MTHFD2L: variants seen among roughly 807,000 people sequenced by gnomAD.
MTHFD2L encodes the protein bifunctional methylenetetrahydrofolate dehydrogenase/cyclohydrolase 2, mitochondrial.
In MTHFD2L, 29 loss-of-function variants were observed where a neutral mutation model predicts 34.9. That is an observed-to-expected ratio of 0.83 (90% CI 0.62 to 1.13). MTHFD2L has a LOEUF of 1.13. Among genes scored for constraint, MTHFD2L ranks in the 50% most tolerant of loss-of-function variants. MTHFD2L has a pLI of 0.00. For missense variants in MTHFD2L, 481 were observed against 446.5 expected, an observed-to-expected ratio of 1.08 and a Z score of -0.70; for synonymous variants, 167 against 155.7, an observed-to-expected ratio of 1.07 and a Z score of -0.54.
rs373808535 is a variant in MTHFD2L at position 74,201,248 on chromosome 4, A to G, written c.605-15A>G. 1.4e-4 allele frequency: 222 copies of G among 1,602,200 alleles called. No individual in the cohort carries two copies. The highest frequency in any genetic ancestry group is 1.8e-4 in the Non-Finnish European group (209 of 1,170,184). ...GTTGTCAATTCTGCATTTAAACCGA[A>G]CTCTGTATTTTAAGGAATTCAAACA... On this transcript the variant is annotated splice_polypyrimidine_tract_variant and intron_variant, in intron 4 of 7. Transcript: ENST00000325278.
chr4:74,237,844 A>G (rs141111181), intron 6 of MTHFD2L, among the ~76,000 whole-genome samples: 1 of 152,296 alleles, frequency 6.6e-6, no homozygotes, highest in African/African-American at 2.4e-5. Context: ...GGTAGGGGAG[A>G]GGCAAAGAAT....
chr4:74,267,065 C>T, intron 6 of MTHFD2L: 1 of 985,332 alleles, frequency 1.0e-6, no homozygotes, highest in Non-Finnish European at 1.2e-6. Context: ...CCTCTCCTTG[C>T]TTTGATCCTT....
At chr4:74,203,660 A>G (rs149256899) in intron 5 of MTHFD2L, among the ~76,000 whole-genome samples, 144 of 152,262 alleles carry the variant, frequency 9.5e-4, no homozygotes, top group African/African-American at 3.3e-3. Context: ...ACCAGATATC[A>G]TGAGAACTCA....
chr4:74,283,391 A>G (rs1250450235), intron 7 of MTHFD2L, among the ~76,000 whole-genome samples: 1 of 152,104 alleles, frequency 6.6e-6, no homozygotes, highest in African/African-American at 2.4e-5. Context: ...TGTCACATGA[A>G]GTCTAACTTG....
chr4:74,167,444 A>G (rs1205254049), intron 1 of MTHFD2L, among the ~76,000 whole-genome samples: 2 of 152,230 alleles, frequency 1.3e-5, no homozygotes, highest in Non-Finnish European at 1.5e-5. Context: ...ACATAAAGAA[A>G]TGGAGAGCTA....
intron 7 of MTHFD2L, among the ~76,000 whole-genome samples, chr4:74,292,140 A>T (rs1186062324): frequency 1.3e-5 from 2 of 152,174 alleles, no homozygotes; most frequent in African/African-American, 2.4e-5. Flanking sequence ...TGAGATTCCT[A>T]TCATTAGTAA....
intron 6 of MTHFD2L, among the ~76,000 whole-genome samples, chr4:74,228,986 A>C (rs1015566670): frequency 2.6e-5 from 4 of 152,204 alleles, no homozygotes; most frequent in East Asian, 1.9e-4. Context: ...AAACAAAGAC[A>C]GTGGGAAGAA....
At chr4:74,137,285 T>C (rs1200157079) in intron 1 of MTHFD2L, among the ~76,000 whole-genome samples, 1 of 152,024 alleles carries the variant, frequency 6.6e-6, no homozygotes, top group East Asian at 1.9e-4. Context: ...ATGTAAACCT[T>C]AATTTAAAAA....
At chr4:74,199,010 G>A (rs535242341) in intron 3 of MTHFD2L, among the ~76,000 whole-genome samples, 19 of 152,138 alleles carry the variant, frequency 1.2e-4, no homozygotes, top group East Asian at 5.8e-4. Flanking sequence ...TATAATGGCC[G>A]AATAAACTTT....
At chr4:74,158,988 G>A (rs1213628902) in intron 1 of MTHFD2L, among the ~76,000 whole-genome samples, 1 of 152,172 alleles carries the variant, frequency 6.6e-6, no homozygotes, top group African/African-American at 2.4e-5. Context: ...GTCCAGAAGA[G>A]CCTCTGTTTT....
intron 1 of MTHFD2L, among the ~76,000 whole-genome samples, chr4:74,128,952 T>C (rs1408863846): frequency 6.6e-6 from 1 of 152,104 alleles, no homozygotes; most frequent in Non-Finnish European, 1.5e-5. Context: ...TCTTGTTTTC[T>C]GGTTGTTCTG....
At chr4:74,210,824 G>A (rs527415538) in intron 5 of MTHFD2L, among the ~76,000 whole-genome samples, 3 of 152,228 alleles carry the variant, frequency 2.0e-5, no homozygotes, top group East Asian at 3.9e-4. Context: ...CATGAGCATG[G>A]AATATTTTTC....
At chr4:74,173,999 T>C (rs927844460) in intron 1 of MTHFD2L, among the ~76,000 whole-genome samples, 13 of 152,146 alleles carry the variant, frequency 8.5e-5, no homozygotes, top group African/African-American at 2.9e-4. Flanking sequence ...GAATTTCTTA[T>C]AGTTTTGTAG....
chr4:74,140,503 T>G (rs1723213508), intron 1 of MTHFD2L: 7 of 891,078 alleles, frequency 7.9e-6, no homozygotes, highest in Non-Finnish European at 9.4e-6. Flanking sequence ...ATTTTCTCAA[T>G]TATATATTTT....
At chr4:74,258,393 C>G (rs1198135140) in intron 6 of MTHFD2L, among the ~76,000 whole-genome samples, 1 of 151,924 alleles carries the variant, frequency 6.6e-6, no homozygotes, top group Non-Finnish European at 1.5e-5. Flanking sequence ...GCACATAACA[C>G]ACACACACAC....
intron 5 of MTHFD2L, among the ~76,000 whole-genome samples, chr4:74,209,516 G>A (rs1333752570): frequency 6.6e-6 from 1 of 152,122 alleles, no homozygotes. Flanking sequence ...CCTGCAAAGA[G>A]CATGAACTCA....
chr4:74,267,882 C>T lies in MTHFD2L; in HGVS notation c.806-13543C>T, dbSNP rs16850811. The T allele has an allele frequency of 2.0e-3, 1,944 of 985,290 alleles. 22 individuals are homozygous for T. In the African/African-American group the frequency reaches 0.027, roughly 14 times the overall value. The allele number at this position is 985,290 out of a possible 1,614,324, so 61.0% of individuals were successfully genotyped here. ...TATAAGAGGATTCCAAAGCCCTAGA[C>T]GATCCAATATGGCACAGAGCAGAGC... On this transcript the variant is annotated intron_variant, in intron 6 of 7. Coordinates refer to ENST00000325278, the MANE Select transcript of MTHFD2L (RefSeq NM_001144978.3).
At chr4:74,240,521 A>G (rs1489345201) in intron 6 of MTHFD2L, among the ~76,000 whole-genome samples, 1 of 152,186 alleles carries the variant, frequency 6.6e-6, no homozygotes, top group Non-Finnish European at 1.5e-5. Flanking sequence ...AGATGCAATG[A>G]AATTATATTT....
rs926770554 is a variant in MTHFD2L at position 74,267,135 on chromosome 4, A to T, written c.806-14290A>T. The T allele has an allele frequency of 4.1e-6, 4 of 984,990 alleles. No individual in the cohort carries two copies. In the African/African-American group the frequency reaches 7.0e-5, roughly 17 times the overall value. The allele number at this position is 984,990 out of a possible 1,614,324, so 61.0% of individuals were successfully genotyped here. On this transcript the variant is annotated intron_variant, in intron 6 of 7. Transcript: ENST00000325278. Reference sequence around the variant, plus strand: ...AATAAATGTTTCTAAAATGTTTGAAACCCATTCCATTCGACTTTAATACTC... The same window carrying T: ...AATAAATGTTTCTAAAATGTTTGAATCCCATTCCATTCGACTTTAATACTC...
Sources: gnomAD v4.1 joint callset for allele counts (sites outside exome capture counted in the v4.1 genomes callset) on GRCh38, gnomAD v4.1.1 for gene constraint, MANE v1.5 for transcripts, NCBI Gene and HGNC (gene_info 2026-07-23, HGNC 2026-07-21) for gene names.